The following AP1S3 variants were observed in gnomAD, a reference collection of about 807,000 sequenced individuals.
AP1S3 encodes adaptor related protein complex 1 subunit sigma 3, also known as AP-1 complex subunit sigma-3.
In AP1S3, 10 loss-of-function variants were observed where a neutral mutation model predicts 20.9. The ratio of observed to expected loss-of-function variants is 0.48; its 90% CI spans 0.29 to 0.81. AP1S3 has a LOEUF of 0.81. Ranked by LOEUF, AP1S3 falls within the 30% of genes least tolerant of loss-of-function variation. The pLI, the probability that AP1S3 is intolerant of heterozygous loss-of-function variation, is 0.08. For missense variants in AP1S3, 154 were observed against 183.8 expected (o/e 0.84, Z 0.94); for synonymous variants, 41 against 61.5 (o/e 0.67, Z 1.56).
intron 3 of AP1S3, among the ~76,000 whole-genome samples, chr2:223,766,533 A>AT (rs529746123): frequency 3.6e-4 from 55 of 152,242 alleles, no homozygotes; most frequent in Non-Finnish European, 7.9e-4. Context: ...TAGAATGGCG[A>AT]TCATTAAAAA....
intron 1 of AP1S3, among the ~76,000 whole-genome samples, chr2:223,786,971 G>T (rs1468055675): frequency 6.6e-6 from 1 of 152,134 alleles, no homozygotes; most frequent in Non-Finnish European, 1.5e-5. Flanking sequence ...GTGTCAAATT[G>T]TAATCCCCAG....
At position 223,775,952 on chromosome 2, in the gene AP1S3, C is replaced by A. The variant is rs200314987; in HGVS notation, c.240G>T (p.Thr80=). Residue 80 remains threonine, a synonymous_variant, in exon 3 of 5, where the codon ACG becomes ACT. Transcript: ENST00000396654. ...AIENQDNELL[T]LEIVHRYVEL... Reference sequence around the variant, plus strand: ...CCACGTAACGATGCACAATCTCTAGCGTCAAGAGCTCATTGTCCTGATTTT... The same window carrying A: ...CCACGTAACGATGCACAATCTCTAGAGTCAAGAGCTCATTGTCCTGATTTT... 3 of 1,614,018 alleles carry A rather than the reference C, an allele frequency of 1.9e-6. No homozygotes were observed. Among genetic ancestry groups the A allele is most frequent in the Admixed American group, 1.7e-5 (1 of 60,002 alleles).
intron 4 of AP1S3, 117 bp from the exon 5 acceptor site, chr2:223,758,867 G>T (rs1425120627): frequency 2.0e-5 from 16 of 806,432 alleles, no homozygotes; most frequent in Non-Finnish European, 3.0e-5. Context: ...GTTGTCAAAA[G>T]GATACATGGA....
At chr2:223,791,117 A>G (rs548515452) in intron 1 of AP1S3, among the ~76,000 whole-genome samples, 3 of 152,344 alleles carry the variant, frequency 2.0e-5, no homozygotes, top group African/African-American at 7.2e-5. Context: ...AGCTGGGACC[A>G]TTCCTACTGA....
intron 1 of AP1S3, among the ~76,000 whole-genome samples, chr2:223,827,062 C>G (rs1034689554): frequency 1.3e-5 from 2 of 152,148 alleles, no homozygotes; most frequent in African/African-American, 2.4e-5. Context: ...AAGTTTACCA[C>G]TAACAAACTT....
At chr2:223,782,495 G>A (rs187100355) in intron 1 of AP1S3, among the ~76,000 whole-genome samples, 64 of 152,250 alleles carry the variant, frequency 4.2e-4, no homozygotes, top group Middle Eastern at 6.8e-3. Flanking sequence ...AAGTTTTATT[G>A]AGAGGTGTAA....
chr2:223,819,385 A>C (rs549227709), intron 1 of AP1S3, among the ~76,000 whole-genome samples: 2 of 152,282 alleles, frequency 1.3e-5, no homozygotes, highest in Non-Finnish European at 1.5e-5. Context: ...CACTCATTGG[A>C]GAAAAAGCAC....
chr2:223,810,215 C>T (rs995349572), intron 1 of AP1S3, among the ~76,000 whole-genome samples: 5 of 152,168 alleles, frequency 3.3e-5, no homozygotes, highest in African/African-American at 9.7e-5. Context: ...AAGCAAAACA[C>T]GGCTGACCCA....
chr2:223,834,871 C>A (rs1241181774), intron 1 of AP1S3, among the ~76,000 whole-genome samples: 2 of 151,958 alleles, frequency 1.3e-5, no homozygotes, highest in Non-Finnish European at 2.9e-5. Context: ...TAGTGAAAAG[C>A]ATGGCACTGT....
intron 2 of AP1S3, chr2:223,776,287 C>A: frequency 2.2e-6 from 1 of 459,836 alleles, no homozygotes; most frequent in Non-Finnish European, 4.2e-6. Flanking sequence ...TCCTTTCGCT[C>A]TTGGTAATCA....
Position 223,776,112 on chromosome 2 carries a change from C to T in AP1S3, c.183-103G>A, listed in dbSNP as rs753959973. 5 of 790,924 alleles carry T rather than the reference C, an allele frequency of 6.3e-6. No individual in the cohort carries two copies. The South Asian group carries it at 7.3e-5, about 12-fold the overall frequency. 49.0% of individuals were successfully genotyped at this position (790,924 alleles called of 1,614,324 possible). A position where few individuals can be genotyped will look rare whatever the true frequency, so the allele number is the denominator to read the frequency against. On this transcript the variant is annotated intron_variant, in intron 2 of 4. Coordinates refer to ENST00000396654, the MANE Select transcript of AP1S3 (RefSeq NM_001039569.2). ...AGTCACCTCCTCCCCCGCCGAGCCT[C>T]TCCTCATCCAAGAATGAAATCATTA...
chr2:223,771,820 G>A (rs1175846590), intron 3 of AP1S3, among the ~76,000 whole-genome samples: 1 of 152,096 alleles, frequency 6.6e-6, no homozygotes, highest in Non-Finnish European at 1.5e-5. Flanking sequence ...TATAAAATAA[G>A]AATAGGCCGG....
chr2:223,758,869 A>G (rs779454417), intron 4 of AP1S3, 119 bp from the exon 5 acceptor site: 46 of 803,540 alleles, frequency 5.7e-5, no homozygotes, highest in Non-Finnish European at 8.7e-5. Context: ...TGTCAAAAGG[A>G]TACATGGATA....
At chr2:223,771,521 T>C (rs1240205419) in intron 3 of AP1S3, among the ~76,000 whole-genome samples, 2 of 152,180 alleles carry the variant, frequency 1.3e-5, no homozygotes, top group African/African-American at 2.4e-5. Flanking sequence ...TTCTCGTGTA[T>C]CTAGATTCTG....
intron 1 of AP1S3, among the ~76,000 whole-genome samples, chr2:223,835,736 AACTCATCAC>A (rs1395800961): frequency 6.6e-5 from 10 of 152,220 alleles, no homozygotes; most frequent in African/African-American, 2.4e-4. Flanking sequence ...ATTTCTGATC[AACTCATCAC>A]ACATATGACA....
At chr2:223,799,779 ATCT>A (rs1691424129) in intron 1 of AP1S3, among the ~76,000 whole-genome samples, 1 of 152,238 alleles carries the variant, frequency 6.6e-6, no homozygotes, top group South Asian at 2.1e-4. Flanking sequence ...AACTGAAGAA[ATCT>A]TCTCATGAAC....
intron 1 of AP1S3, among the ~76,000 whole-genome samples, chr2:223,834,442 T>G (rs1692349785): frequency 6.6e-6 from 1 of 151,894 alleles, no homozygotes; most frequent in Non-Finnish European, 1.5e-5. Context: ...ATCAAAAAAT[T>G]ACCTGGGCAT....
intron 3 of AP1S3, among the ~76,000 whole-genome samples, chr2:223,766,687 C>T (rs558388723): frequency 3.0e-4 from 46 of 152,218 alleles, no homozygotes; most frequent in Non-Finnish European, 5.6e-4. Flanking sequence ...CCATTTGACC[C>T]GGCAATCCCA....
chr2:223,803,759 G>A (rs1248024808), intron 1 of AP1S3, among the ~76,000 whole-genome samples: 2 of 151,850 alleles, frequency 1.3e-5, no homozygotes, highest in African/African-American at 4.8e-5. Flanking sequence ...GGGAGCCTGT[G>A]GTCCCAGCTA....
Sources: gnomAD v4.1 joint callset for allele counts (sites outside exome capture counted in the v4.1 genomes callset) on GRCh38, gnomAD v4.1.1 for gene constraint, MANE v1.5 for transcripts, NCBI Gene and HGNC (gene_info 2026-07-23, HGNC 2026-07-21) for gene names.